CFAP43: variants seen among roughly 807,000 people sequenced by gnomAD.
The protein encoded by CFAP43 is cilia- and flagella-associated protein 43.
CFAP43 carries 155 observed loss-of-function variants against 218.9 expected under a neutral mutation model. The ratio of observed to expected loss-of-function variants is 0.71; its 90% confidence interval spans 0.62 to 0.81. The LOEUF is 0.81. Ranked by LOEUF, CFAP43 falls within the 30% of genes least tolerant of loss-of-function variation. CFAP43 has a pLI of 0.00. For missense variants in CFAP43, 1,778 were observed against 1,954.3 expected (o/e 0.91, Z 1.70); for synonymous variants, 645 against 681.3 (o/e 0.95, Z 0.83).
intron 27 of CFAP43, among the ~76,000 whole-genome samples, chr10:104,156,092 AG>A (rs1159947998): frequency 6.6e-6 from 1 of 152,146 alleles, no homozygotes; most frequent in Non-Finnish European, 1.5e-5. Context: ...TGGGGAGAAA[AG>A]GGCAACTCGA....
At chr10:104,133,222 ATC>A (rs2087279633) in intron 35 of CFAP43, among the ~76,000 whole-genome samples, 1 of 152,212 alleles carries the variant, frequency 6.6e-6, no homozygotes, top group Non-Finnish European at 1.5e-5. Context: ...TAAGGGCAAA[ATC>A]TTGAAGAACG....
chr10:104,144,412 A>G (rs2087857263), intron 31 of CFAP43, among the ~76,000 whole-genome samples: 1 of 152,210 alleles, frequency 6.6e-6, no homozygotes, highest in African/African-American at 2.4e-5. Context: ...ACACTTTGGG[A>G]GGTTGAGATG....
In CFAP43 at chr10:104,167,641, T is replaced by A. The variant is rs567127363; in HGVS notation, c.2788A>T (p.Ile930Phe). 1.1e-5 allele frequency: 18 copies of A among 1,609,936 alleles called. No homozygotes were observed. In the African/African-American group the frequency reaches 1.7e-4, roughly 16 times the overall value. The stretch of plus-strand genomic sequence containing the variant: ...AGTACTTTAAGACACTCTGCTTCAA[T>A]CTTCTTTTGCTGTAAAACTCTTTCC... ...ELERVLQQKK[I>F]EAECLKLRKE... Residue 930 changes from isoleucine (I) to phenylalanine (F), a missense_variant, in exon 22 of 38, where the codon ATT becomes TTT. Ile to Phe is a conservative substitution (Grantham distance 21). Around this residue, in one of 3 missense-constraint regions of CFAP43, gnomAD observed 1,553 missense variants for 1,685.2 expected, o/e 0.92. Transcript: ENST00000357060.
chr10:104,134,873 A>G (rs182096837), intron 34 of CFAP43, among the ~76,000 whole-genome samples: 8 of 152,326 alleles, frequency 5.3e-5, no homozygotes, highest in Admixed American at 4.6e-4. Context: ...TTTCTAATAT[A>G]TTATATGAGG....
chr10:104,230,656 G>A lies in CFAP43; in HGVS notation c.253C>T (p.Arg85Trp), dbSNP rs376788209. The change falls in exon 2 of 38, where the codon CGG becomes TGG. Residue 85 changes from arginine (R) to tryptophan (W), a missense_variant. Arg to Trp is a moderately radical substitution (Grantham distance 101). Coordinates refer to ENST00000357060, the MANE Select transcript of CFAP43 (RefSeq NM_025145.7). ...IPCEVVAFSDRKLKPLIYVYS... is the reference protein window; with the variant it reads ...IPCEVVAFSDWKLKPLIYVYS... ...ACGTAGATGAGAGGTTTTAGCTTCC[G>A]GTCAGAAAAAGCCACAACTTCACAG... The A allele has an allele frequency of 1.7e-5, 27 of 1,613,946 alleles. No individual in the cohort carries two copies. The highest frequency in any genetic ancestry group is 2.1e-5 in the Non-Finnish European group (25 of 1,180,030).
At position 104,230,701 on chromosome 10, in the gene CFAP43, C is replaced by T. The variant is rs551332560; in HGVS notation, c.208G>A (p.Val70Ile). 1.1e-4 allele frequency: 171 copies of T among 1,614,030 alleles called. No homozygotes were observed. Among genetic ancestry groups the T allele is most frequent in the South Asian group, 5.8e-4 (53 of 91,074 alleles). Residue 70 changes from valine (V) to isoleucine (I), a missense_variant, in exon 2 of 38, where the codon GTC (valine) becomes ATC (isoleucine). Transcript: ENST00000357060. ...TCACAGGGGATGTTAGTTGCCATGA[C>T]GCCCACAATTCCATTACTACACTGC... The part of the protein sequence containing the change: ...VLQCSNGIVG[V>I]MATNIPCEVV...
intron 3 of CFAP43, among the ~76,000 whole-genome samples, chr10:104,224,335 G>A (rs893570529): frequency 1.3e-5 from 2 of 151,972 alleles, no homozygotes; most frequent in African/African-American, 2.4e-5. Flanking sequence ...GAGCCACAGC[G>A]CCTGGCCGAT....
At chr10:104,224,754 C>CAAAAAAA (rs66877503) in intron 3 of CFAP43, among the ~76,000 whole-genome samples, 1 of 70,144 alleles carries the variant, frequency 1.4e-5, no homozygotes. Flanking sequence ...GACTCCATCT[C>CAAAAAAA]AAAAAAAAAA....
intron 6 of CFAP43, among the ~76,000 whole-genome samples, 194 bp downstream of exon 6, chr10:104,207,471 C>T (rs931364187): frequency 6.6e-6 from 1 of 152,096 alleles, no homozygotes; most frequent in African/African-American, 2.4e-5. Context: ...AGGTGTCTCT[C>T]CTCATAATGT....
chr10:104,141,071 T>TA, intron 33 of CFAP43, 70 bp from the exon 34 acceptor site: 2 of 1,459,794 alleles, frequency 1.4e-6, no homozygotes, highest in Non-Finnish European at 1.8e-6. Context: ...TCTGAGAATA[T>TA]AAAAATCGAA....
At chr10:104,152,873 G>T in intron 27 of CFAP43, 147 bp from the exon 28 acceptor site, 4 of 773,222 alleles carry the variant, frequency 5.2e-6, no homozygotes, top group East Asian at 5.7e-5. Context: ...AACCAGAGAT[G>T]CTCCCACTTG....
At chr10:104,204,181 G>A (rs562866077) in intron 7 of CFAP43, among the ~76,000 whole-genome samples, 33 of 152,256 alleles carry the variant, frequency 2.2e-4, no homozygotes, top group South Asian at 1.7e-3. Flanking sequence ...TAGCCCTCCT[G>A]TATGCTCTTT....
intron 3 of CFAP43, chr10:104,218,936 C>T (rs1033694107): frequency 1.6e-5 from 7 of 445,134 alleles, no homozygotes; most frequent in African/African-American, 8.3e-5. Flanking sequence ...ACACCAACCA[C>T]AGCTGCTCGT....
At chr10:104,175,326 G>A (rs1302860763) in intron 19 of CFAP43, among the ~76,000 whole-genome samples, 2 of 152,238 alleles carry the variant, frequency 1.3e-5, no homozygotes, top group East Asian at 3.9e-4. Context: ...TTGGAAGGAT[G>A]AGGTGAGAGG....
At chr10:104,178,811 A>C (rs1376320672) in intron 19 of CFAP43, among the ~76,000 whole-genome samples, 1 of 152,208 alleles carries the variant, frequency 6.6e-6, no homozygotes, top group Non-Finnish European at 1.5e-5. Context: ...AGTATTATAA[A>C]GACAAATAAG....
chr10:104,194,182 G>C (rs2090318634), intron 10 of CFAP43, among the ~76,000 whole-genome samples, 168 bp from the exon 11 acceptor site: 1 of 152,130 alleles, frequency 6.6e-6, no homozygotes, highest in Admixed American at 6.6e-5. Context: ...CTGATCAACT[G>C]CATAAGATGG....
intron 19 of CFAP43, among the ~76,000 whole-genome samples, chr10:104,176,935 A>G (rs2089651555): frequency 6.6e-6 from 1 of 152,210 alleles, no homozygotes. Context: ...GAACTCCTAT[A>G]ATCAACAAGA....
chr10:104,178,470 T>A (rs1261777430), intron 19 of CFAP43, among the ~76,000 whole-genome samples: 1 of 152,170 alleles, frequency 6.6e-6, no homozygotes, highest in Admixed American at 6.5e-5. Flanking sequence ...ATAACTATCA[T>A]AGTGTGTATT....
In CFAP43 at chr10:104,225,476, A is replaced by C; in HGVS notation, c.401T>G (p.Phe134Cys). The C allele has an allele frequency of 6.2e-7, 1 of 1,611,662 alleles. No individual in the cohort carries two copies. The highest frequency in any genetic ancestry group is 8.5e-7 in the Non-Finnish European group (1 of 1,178,560). ...YLASYSSLPE[F>C]ELALWNWESS... ...TGAAACTTACCAAAGGGCCAGTTCAAATTCTGGGAGAGAGGAGTAACTAGC... is the reference window on the plus strand; with the variant it reads ...TGAAACTTACCAAAGGGCCAGTTCACATTCTGGGAGAGAGGAGTAACTAGC... The change falls in exon 3 of 38, where the codon TTT becomes TGT. Residue 134 changes from phenylalanine (F) to cysteine (C), a missense_variant. Coordinates refer to ENST00000357060, the MANE Select transcript of CFAP43 (RefSeq NM_025145.7).
Sources: gnomAD v4.1 joint callset for allele counts (sites outside exome capture counted in the v4.1 genomes callset) on GRCh38, gnomAD v4.1.1 for gene constraint, gnomAD v4.1.1 regional missense constraint, MANE v1.5 for transcripts, NCBI Gene and HGNC (gene_info 2026-07-23, HGNC 2026-07-21) for gene names.